The following NCKAP5 variants were observed in gnomAD, a reference collection of about 807,000 sequenced individuals.
NCKAP5 encodes the protein nck-associated protein 5.
A neutral mutation model predicts 167.0 loss-of-function variants in NCKAP5; 92 were observed. The observed-to-expected ratio is 0.55, with a 90% CI of 0.47 to 0.66. The LOEUF is 0.66. Ranked by LOEUF, NCKAP5 falls within the 30% of genes least tolerant of loss-of-function variation. The pLI is 0.00. For synonymous variants in NCKAP5, 891 were observed against 877.4 expected (o/e 1.02, Z -0.27); for missense variants, 2,378 against 2,315.0 (o/e 1.03, Z -0.56).
chr2:133,056,545 C>T (rs2079807571), intron 6 of NCKAP5, among the ~76,000 whole-genome samples: 1 of 152,110 alleles, frequency 6.6e-6, no homozygotes, highest in South Asian at 2.1e-4. Flanking sequence ...TCAGAGGAGA[C>T]CTGTGCCAAT....
chr2:133,281,211 C>T (rs554770159), intron 4 of NCKAP5, among the ~76,000 whole-genome samples: 12 of 152,284 alleles, frequency 7.9e-5, no homozygotes, highest in Admixed American at 3.9e-4. Context: ...AAGATTATTT[C>T]TAGATAATTA....
At chr2:133,650,717 G>GA in the NCKAP5 span, among the ~76,000 whole-genome samples, 6 of 148,198 alleles carry the variant, frequency 4.0e-5, no homozygotes, top group Admixed American at 6.7e-5. Flanking sequence ...TCTGGAGCGA[G>GA]AAAAAAAAAA....
At chr2:132,953,590 C>CA (rs2076257941) in intron 8 of NCKAP5, among the ~76,000 whole-genome samples, 1 of 151,538 alleles carries the variant, frequency 6.6e-6, no homozygotes, top group Non-Finnish European at 1.5e-5. Flanking sequence ...AGCAGGAGGC[C>CA]AGGCCTAGAA....
At chr2:132,767,279 T>C (rs1288289288) in intron 16 of NCKAP5, among the ~76,000 whole-genome samples, 4 of 152,142 alleles carry the variant, frequency 2.6e-5, no homozygotes, top group African/African-American at 9.6e-5. Flanking sequence ...AGAGCTTTGC[T>C]CTTGTTGCCC....
At chr2:132,991,835 C>T (rs529551034) in intron 7 of NCKAP5, among the ~76,000 whole-genome samples, 9 of 152,282 alleles carry the variant, frequency 5.9e-5, no homozygotes, top group South Asian at 4.1e-4. Flanking sequence ...TTGCCTGAAA[C>T]GCAGAATTTG....
chr2:133,308,038 G>GCAT (rs1228643578), intron 3 of NCKAP5, among the ~76,000 whole-genome samples: 3 of 120,920 alleles, frequency 2.5e-5, no homozygotes, highest in African/African-American at 8.9e-5. Flanking sequence ...ATAGAAGGGT[G>GCAT]CATAAATCAC....
intron 8 of NCKAP5, among the ~76,000 whole-genome samples, chr2:132,922,509 G>T (rs1695522536): frequency 6.6e-6 from 1 of 152,088 alleles, no homozygotes; most frequent in Admixed American, 6.5e-5. Context: ...GGCACCCAAG[G>T]CTTTTGATGA....
At chr2:133,215,600 C>T (rs577687077) in intron 4 of NCKAP5, among the ~76,000 whole-genome samples, 18 of 152,238 alleles carry the variant, frequency 1.2e-4, no homozygotes, top group Admixed American at 5.9e-4. Flanking sequence ...GATATGTCAA[C>T]TTTAGCACAG....
intron 3 of NCKAP5, among the ~76,000 whole-genome samples, chr2:133,386,963 T>C (rs1450347700): frequency 6.6e-6 from 1 of 152,230 alleles, no homozygotes; most frequent in Non-Finnish European, 1.5e-5. Context: ...ATGGGTTTCC[T>C]GAAGGCAGCA....
intron 4 of NCKAP5, among the ~76,000 whole-genome samples, chr2:133,278,959 A>C (rs2089840831): frequency 6.6e-6 from 1 of 152,192 alleles, no homozygotes; most frequent in South Asian, 2.1e-4. Flanking sequence ...AACTACGCTG[A>C]GATACTATCT....
intron 19 of NCKAP5, among the ~76,000 whole-genome samples, chr2:132,703,667 A>G (rs1688089039): frequency 6.6e-6 from 1 of 152,234 alleles, no homozygotes; most frequent in African/African-American, 2.4e-5. Context: ...TGGCATGACC[A>G]ACGGACTGAA....
Position 132,672,108 on chromosome 2 carries a change from CTT to C in NCKAP5, c.*1179_*1180del, listed in dbSNP as rs1683825184. On this transcript the variant is annotated 3_prime_UTR_variant, in exon 20 of 20. Coordinates refer to ENST00000409261, the MANE Select transcript of NCKAP5 (RefSeq NM_207363.3). Reference sequence around the variant, plus strand: ...GAATTTATCCTTACATATAAACAGTCTTTGTAGAAAAAAAAGGATATTAAAAA... The same window carrying C: ...GAATTTATCCTTACATATAAACAGTCTGTAGAAAAAAAAGGATATTAAAAA... 1.3e-5 allele frequency: 2 copies of C among 152,356 alleles called. No homozygotes were observed. The highest frequency in any genetic ancestry group is 2.1e-4 in the South Asian group (1 of 4,828). The allele number at this position is 152,356 out of a possible 1,614,324, so 9.4% of individuals were successfully genotyped here. A position where few individuals can be genotyped will look rare whatever the true frequency, so the allele number is the denominator to read the frequency against.
rs376105365 is a variant in NCKAP5, at chr2:133,486,126, T to C, written c.69+31332A>G. On this transcript the variant is annotated intron_variant, in intron 3 of 19. Coordinates refer to ENST00000409261, the MANE Select transcript of NCKAP5 (RefSeq NM_207363.3). ...CAAAGTCCACAAAGAATATATTACA[T>C]GGAGGAGAAAACACGGAATAGATCA... Among the ~76,000 whole-genome samples the C allele has an allele frequency of 3.3e-5, 5 of 152,268 alleles. No homozygotes were observed. The East Asian group carries it at 5.8e-4, about 18-fold the overall frequency.
intron 11 of NCKAP5, among the ~76,000 whole-genome samples, chr2:132,837,130 C>T (rs1687947177): frequency 6.6e-6 from 1 of 152,140 alleles, no homozygotes; most frequent in Non-Finnish European, 1.5e-5. Flanking sequence ...TTTGTAGTTC[C>T]TATTTCATGA....
chr2:132,693,311 C>T (rs747192445), intron 19 of NCKAP5, among the ~76,000 whole-genome samples: 5 of 152,038 alleles, frequency 3.3e-5, no homozygotes, highest in Non-Finnish European at 7.4e-5. Flanking sequence ...TAAGGTGGAT[C>T]ATACTGGAGT....
At chr2:133,659,827 A>T in the NCKAP5 span, among the ~76,000 whole-genome samples, 1 of 152,218 alleles carries the variant, frequency 6.6e-6, no homozygotes, top group Non-Finnish European at 1.5e-5. Context: ...GAGTATATAC[A>T]TAATGGTGAA....
intron 6 of NCKAP5, among the ~76,000 whole-genome samples, chr2:133,128,185 T>C (rs11693112): frequency 6.6e-6 from 1 of 152,226 alleles, no homozygotes; most frequent in Non-Finnish European, 1.5e-5. Context: ...CCGGTCACAG[T>C]GTTCTCCAAA....
intron 4 of NCKAP5, among the ~76,000 whole-genome samples, chr2:133,253,476 C>A (rs961219330): frequency 8.5e-5 from 13 of 152,170 alleles, no homozygotes; most frequent in African/African-American, 2.7e-4. Context: ...CAGAAAGTGG[C>A]AGAGCTAGAT....
intron 19 of NCKAP5, among the ~76,000 whole-genome samples, chr2:132,695,386 C>T (rs1687207212): frequency 6.6e-6 from 1 of 152,064 alleles, no homozygotes; most frequent in African/African-American, 2.4e-5. Flanking sequence ...CCTGGTTCCA[C>T]GATGGGAAAA....
Sources: allele counts gnomAD v4.1 joint callset (sites outside exome capture counted in the v4.1 genomes callset), GRCh38; gene constraint gnomAD v4.1.1; transcripts MANE v1.5; gene names NCBI Gene and HGNC (gene_info 2026-07-23, HGNC 2026-07-21).